CD48: variants seen among roughly 807,000 people sequenced by gnomAD.
CD48 encodes the protein CD48 molecule, also known as CD48 antigen.
Under a neutral mutation model 22.0 loss-of-function variants are expected in CD48, and 20 were observed. That is an observed-to-expected ratio of 0.91 (90% CI 0.64 to 1.32). CD48 has a LOEUF of 1.32. Ranked by LOEUF, CD48 falls within the 40% of genes most tolerant of loss-of-function variation. The pLI is 0.00. For synonymous variants in CD48, 110 were observed against 110.1 expected (o/e 1.00, Z 0.01); for missense variants, 307 against 286.5 (o/e 1.07, Z -0.52).
chr1:160,684,536 A>T, intron 2 of CD48: 1 of 558,324 alleles, frequency 1.8e-6, no homozygotes, highest in Non-Finnish European at 3.1e-6. Context: ...CTTTTTTCTT[A>T]AGTCCAATGA....
At chr1:160,699,837 G>C (rs1662569079) in intron 1 of CD48, 1 of 151,706 alleles carries the variant, frequency 6.6e-6, no homozygotes, top group Non-Finnish European at 1.5e-5. Context: ...ACCCACGAAT[G>C]ATCAATAAAT....
chr1:160,685,183 A>G lies in CD48; in HGVS notation c.89T>C (p.Leu30Ser), dbSNP rs1409709897. 1 of 1,604,130 alleles carries G rather than the reference A, an allele frequency of 6.2e-7. No individual in the cohort carries two copies. The highest frequency in any genetic ancestry group is 1.3e-5 in the African/African-American group (1 of 74,670). ...GCCGGAGACCACGGTCATATGTACC[A>G]AGTGACCTGCCAATGAGATTCAGAG... is the stretch of plus-strand genomic sequence containing the variant. ...SLLVTSIQGH[L>S]VHMTVVSGSN... Residue 30 changes from leucine (L) to serine (S), a missense_variant, in exon 2 of 4, where the codon TTG (leucine) becomes TCG (serine). By Grantham distance (145) the Leu-to-Ser change is moderately radical (BLOSUM62 -2). Transcript: ENST00000368046.
intron 1 of CD48, chr1:160,692,048 G>T (rs1350150769): frequency 5.8e-6 from 1 of 171,384 alleles, no homozygotes; most frequent in African/African-American, 2.4e-5. Flanking sequence ...CCAGAACAAG[G>T]AAATTTAGAT....
rs367882003 is a variant in CD48, at chr1:160,691,766, C to T, written c.83-6577G>A. The T allele has an allele frequency of 1.1e-4, 40 of 365,328 alleles. No homozygotes were observed. The South Asian group carries it at 2.6e-3, about 24-fold the overall frequency. The allele number at this position is 365,328 out of a possible 1,614,324, so 22.6% of individuals were successfully genotyped here. On this transcript the variant is annotated intron_variant, in intron 1 of 3. Coordinates refer to ENST00000368046, the MANE Select transcript of CD48 (RefSeq NM_001778.4). Reference sequence around the variant, plus strand: ...ACCCACCCCTTCATCTGGTGCCCAACGTGGAGGCTTTTCTCTGGGGTGAAG... The same window carrying T: ...ACCCACCCCTTCATCTGGTGCCCAATGTGGAGGCTTTTCTCTGGGGTGAAG...
chr1:160,685,096 A>ACG lies in CD48; in HGVS notation c.175_176insCG (p.Phe59SerfsTer10), dbSNP rs779427369. 4.3e-6 allele frequency: 7 copies of ACG among 1,613,958 alleles called. No homozygotes were observed. The stretch of plus-strand genomic sequence containing the variant: ...TACAATCTTCTGGTCGAAAGTATAA[A>ACG]ACCAGGTTAGTTGTTTGTAGTTCTC... On this transcript the variant is annotated frameshift_variant, in exon 2 of 4. Transcript: ENST00000368046. LOFTEE classifies it high-confidence loss of function.
intron 1 of CD48, among the ~76,000 whole-genome samples, chr1:160,697,688 C>G (rs1415650802): frequency 1.3e-5 from 2 of 148,724 alleles, no homozygotes; most frequent in African/African-American, 5.0e-5. Context: ...CAAGGAAATT[C>G]CTAAAGGATC....
chr1:160,685,584 TC>T (rs1475006197), intron 1 of CD48, among the ~76,000 whole-genome samples: 2 of 152,164 alleles, frequency 1.3e-5, no homozygotes, highest in African/African-American at 4.8e-5. Flanking sequence ...ATGTTGTTAG[TC>T]CCTAGAGGCA....
intron 2 of CD48, chr1:160,684,035 A>C (rs1034231368): frequency 2.0e-5 from 3 of 152,220 alleles, no homozygotes; most frequent in African/African-American, 7.2e-5. Context: ...ATTGAAACTC[A>C]GAGGAGCAAA....
intron 1 of CD48, among the ~76,000 whole-genome samples, chr1:160,705,962 G>A (rs1008344369): frequency 5.9e-5 from 9 of 152,150 alleles, no homozygotes; most frequent in African/African-American, 2.2e-4. Context: ...GAGAAGTACT[G>A]AGCTAGGTCA....
At chr1:160,703,945 A>G (rs1662713822) in intron 1 of CD48, among the ~76,000 whole-genome samples, 1 of 152,148 alleles carries the variant, frequency 6.6e-6, no homozygotes, top group African/African-American at 2.4e-5. Context: ...GTGTTGAGAG[A>G]CACAGTCAGA....
At chr1:160,709,371 TC>T (rs1428158090) in intron 1 of CD48, among the ~76,000 whole-genome samples, 1 of 152,154 alleles carries the variant, frequency 6.6e-6, no homozygotes, top group Non-Finnish European at 1.5e-5. Context: ...TTTTATTTGA[TC>T]TTAATAGCAA....
At position 160,704,016 on chromosome 1, in the gene CD48, TA is replaced by T. The variant is rs560179884; in HGVS notation, c.82+7665del. Among the ~76,000 whole-genome samples the T allele has an allele frequency of 5.0e-3, 741 of 149,536 alleles. 4 individuals carry two copies. Among genetic ancestry groups the T allele is most frequent in the Non-Finnish European group, 8.1e-3 (541 of 67,144 alleles). Reference sequence around the variant, plus strand: ...GCTTTATTAATAATGTCTTGTCCTGTAAAAAAAAAATGCTTTCCTGTAAAAG... The same window carrying T: ...GCTTTATTAATAATGTCTTGTCCTGTAAAAAAAAATGCTTTCCTGTAAAAG... On this transcript the variant is annotated intron_variant, in intron 1 of 3. Transcript: ENST00000368046.
At chr1:160,693,918 A>T (rs550739881) in intron 1 of CD48, among the ~76,000 whole-genome samples, 5 of 152,380 alleles carry the variant, frequency 3.3e-5, no homozygotes, top group Admixed American at 3.3e-4. Context: ...ACAGTACAAC[A>T]ATTGTCCCCC....
chr1:160,709,388 T>C (rs948494613), intron 1 of CD48, among the ~76,000 whole-genome samples: 1 of 152,182 alleles, frequency 6.6e-6, no homozygotes, highest in African/African-American at 2.4e-5. Flanking sequence ...AGCAACCCCT[T>C]GAAGAAATGA....
At position 160,684,952 on chromosome 1, in the gene CD48, T is replaced by C; in HGVS notation, c.320A>G (p.Tyr107Cys). 3 of 1,614,174 alleles carry C rather than the reference T, an allele frequency of 1.9e-6. No homozygotes were observed. The highest frequency in any genetic ancestry group is 1.6e-4 in the Middle Eastern group (1 of 6,062). The change falls in exon 2 of 4, where the codon TAC (tyrosine) becomes TGC (cysteine). Residue 107 changes from tyrosine to cysteine, a missense_variant. Coordinates refer to ENST00000368046, the MANE Select transcript of CD48 (RefSeq NM_001778.4). ...AGTCTTTTTCAACACCCTCATGATG[T>C]AGGTGCTGTTGTCCTCTTTCTGGAC... The part of the protein sequence containing the change: ...SKVQKEDNST[Y>C]IMRVLKKTGN...
chr1:160,711,606 C>G, intron 1 of CD48, 76 bp downstream of exon 1: 2 of 1,125,246 alleles, frequency 1.8e-6, no homozygotes, highest in Non-Finnish European at 2.7e-6. Flanking sequence ...TAGGGTTGAA[C>G]TACATCCCGT....
rs1662098098 is a variant in CD48, at chr1:160,689,025, C to A, written c.83-3836G>T. Among the ~76,000 whole-genome samples the A allele has an allele frequency of 2.0e-5, 3 of 152,178 alleles. 1 individual carries two copies. In the South Asian group the frequency reaches 6.2e-4, roughly 32 times the overall value. On this transcript the variant is annotated intron_variant, in intron 1 of 3. Coordinates refer to ENST00000368046, the MANE Select transcript of CD48 (RefSeq NM_001778.4). ...AAATTTTTAGGGCATGGTTTTCCTG[C>A]AGGTTTATATTGAAAGTATGGGGTA...
intron 2 of CD48, chr1:160,684,123 C>G (rs1002453564): frequency 6.6e-6 from 1 of 152,216 alleles, no homozygotes; most frequent in Admixed American, 6.5e-5. Flanking sequence ...ATTCCTGAAG[C>G]TAGGGGTTCT....
intron 2 of CD48, chr1:160,683,794 A>G (rs1661894772): frequency 6.6e-6 from 1 of 152,194 alleles, no homozygotes; most frequent in African/African-American, 2.4e-5. Flanking sequence ...AGGTAAGTAG[A>G]ATTATTCTCA....
Sources: gnomAD v4.1 joint callset for allele counts (sites outside exome capture counted in the v4.1 genomes callset) on GRCh38, gnomAD v4.1.1 for gene constraint, MANE v1.5 for transcripts, NCBI Gene and HGNC (gene_info 2026-07-23, HGNC 2026-07-21) for gene names.